Variants in DOP1B observed in about 807,000 individuals in gnomAD.
The protein encoded by DOP1B is DOP1 leucine zipper like protein B.
Under a neutral mutation model 233.5 loss-of-function variants are expected in DOP1B, and 174 were observed. The ratio of observed to expected loss-of-function variants is 0.75; its 90% CI spans 0.66 to 0.85. The LOEUF is 0.85. Ranked by LOEUF, DOP1B falls within the 40% of genes least tolerant of loss-of-function variation. The pLI is 0.00. For missense variants in DOP1B, 2,652 were observed against 2,846.6 expected (o/e 0.93, Z 1.56); for synonymous variants, 1,190 against 1,185.6 (o/e 1.00, Z -0.08).
At chr21:36,209,082 C>CT (rs1442782660) in intron 5 of DOP1B, among the ~76,000 whole-genome samples, 178 bp downstream of exon 5, 2 of 152,188 alleles carry the variant, frequency 1.3e-5, no homozygotes, top group African/African-American at 4.8e-5. Flanking sequence ...GCAGTTGAGG[C>CT]TGGTGGTGGC....
intron 32 of DOP1B, among the ~76,000 whole-genome samples, chr21:36,286,619 G>A (rs1175293660): frequency 6.9e-6 from 1 of 144,332 alleles, no homozygotes; most frequent in African/African-American, 2.6e-5. Context: ...CTGAGTGACA[G>A]AGTAAGACTC....
chr21:36,227,611 A>G (rs2066708326), intron 12 of DOP1B, 75 bp from the exon 13 acceptor site: 3 of 1,268,668 alleles, frequency 2.4e-6, no homozygotes, highest in Admixed American at 2.6e-5. Flanking sequence ...ATTGAATTAG[A>G]TGCCATTTTG....
intron 27 of DOP1B, among the ~76,000 whole-genome samples, chr21:36,273,852 G>A (rs2067319023): frequency 1.3e-5 from 2 of 152,102 alleles, no homozygotes; most frequent in African/African-American, 2.4e-5. Flanking sequence ...GAGGCGGGCG[G>A]ATCACGAGGT....
At chr21:36,160,133 ATAATAAT>A (rs368977445) in intron 1 of DOP1B, among the ~76,000 whole-genome samples, 2 of 149,438 alleles carry the variant, frequency 1.3e-5, no homozygotes, top group African/African-American at 2.5e-5. Flanking sequence ...TCTGGAAAAA[ATAATAAT>A]AATAATAATA....
At chr21:36,200,167 G>A (rs1280477749) in intron 3 of DOP1B, among the ~76,000 whole-genome samples, 164 bp from the exon 4 acceptor site, 1 of 152,116 alleles carries the variant, frequency 6.6e-6, no homozygotes, top group Non-Finnish European at 1.5e-5. Flanking sequence ...GGCTTGTTAC[G>A]TAACAGTGTT....
chr21:36,202,838 C>T (rs1206722010), intron 4 of DOP1B, among the ~76,000 whole-genome samples: 1 of 152,158 alleles, frequency 6.6e-6, no homozygotes. Context: ...AACGAGTGGT[C>T]CAGGTCACAT....
At chr21:36,262,925 A>AAAT (rs1569059241) in intron 24 of DOP1B, among the ~76,000 whole-genome samples, 1 of 143,876 alleles carries the variant, frequency 7.0e-6, no homozygotes, top group East Asian at 2.1e-4. Context: ...ATAAATAAAT[A>AAAT]AAATAAAATA....
At chr21:36,231,939 G>A (rs564584875) in intron 14 of DOP1B, among the ~76,000 whole-genome samples, 12 of 151,126 alleles carry the variant, frequency 7.9e-5, no homozygotes, top group Admixed American at 5.3e-4. Context: ...TCCGCCTCCC[G>A]GGTTCAAGTG....
chr21:36,263,821 A>G lies in DOP1B; in HGVS notation c.5487+7A>G. 1.2e-6 allele frequency: 2 copies of G among 1,614,108 alleles called. No homozygotes were observed. The highest frequency in any genetic ancestry group is 1.7e-6 in the Non-Finnish European group (2 of 1,179,988). ...GGACCAAAAAGACCTGCAGGTTTGT[A>G]TATGAAAGAGGTTCAGCCAAATGAT... is the stretch of plus-strand genomic sequence containing the variant. On this transcript the variant is annotated splice_region_variant and intron_variant, in intron 26 of 36. Coordinates refer to ENST00000691173, the MANE Select transcript of DOP1B (RefSeq NM_001320714.2).
intron 26 of DOP1B, among the ~76,000 whole-genome samples, chr21:36,265,865 A>T (rs2067225065): frequency 6.6e-6 from 1 of 152,120 alleles, no homozygotes; most frequent in Non-Finnish European, 1.5e-5. Flanking sequence ...CGTAACCAAA[A>T]TGTGTGGGAA....
chr21:36,274,520 T>G (rs1601472707), intron 27 of DOP1B, among the ~76,000 whole-genome samples: 1 of 152,234 alleles, frequency 6.6e-6, no homozygotes, highest in South Asian at 2.1e-4. Flanking sequence ...CAAAGATGAT[T>G]AAGCAGTCAC....
intron 35 of DOP1B, among the ~76,000 whole-genome samples, chr21:36,290,797 CAA>C (rs138791873): frequency 8.8e-4 from 114 of 129,870 alleles, no homozygotes; most frequent in Admixed American, 8.8e-4. Flanking sequence ...GACTCCATCT[CAA>C]AAAAAAAAAA....
At chr21:36,169,209 C>T (rs941222770) in intron 2 of DOP1B, 21 of 1,032,040 alleles carry the variant, frequency 2.0e-5, no homozygotes, top group Non-Finnish European at 2.9e-5. Flanking sequence ...TTGGTCACTT[C>T]ACCATAGTGG....
At chr21:36,199,328 C>T in intron 3 of DOP1B, 77 bp downstream of exon 3, 1 of 1,528,720 alleles carries the variant, frequency 6.5e-7, no homozygotes, top group Non-Finnish European at 8.8e-7. Context: ...GAGAAAATGA[C>T]AAACAGGCAA....
intron 36 of DOP1B, 92 bp from the exon 37 acceptor site, chr21:36,293,228 A>G: frequency 7.7e-7 from 1 of 1,301,598 alleles, no homozygotes. Context: ...AAAGGACCTT[A>G]TTTCTTAGGT....
intron 9 of DOP1B, among the ~76,000 whole-genome samples, chr21:36,215,704 C>T (rs1203537687): frequency 2.0e-5 from 3 of 150,200 alleles, no homozygotes; most frequent in Non-Finnish European, 4.4e-5. Context: ...TGCACCTGGC[C>T]CTCTCCCTCA....
At chr21:36,289,246 G>C (rs907370355) in intron 35 of DOP1B, 40 bp downstream of exon 35, 8 of 1,592,690 alleles carry the variant, frequency 5.0e-6, no homozygotes, top group Middle Eastern at 3.3e-4. Context: ...TGAAGTAAGA[G>C]ATTTTGTTTT....
At chr21:36,176,703 T>C (rs1050156671) in intron 2 of DOP1B, among the ~76,000 whole-genome samples, 2 of 152,184 alleles carry the variant, frequency 1.3e-5, no homozygotes, top group East Asian at 1.9e-4. Context: ...CTAGATCCTG[T>C]ACCTCTGCAG....
intron 2 of DOP1B, among the ~76,000 whole-genome samples, chr21:36,182,433 A>G (rs1316910417): frequency 1.3e-5 from 2 of 152,140 alleles, no homozygotes; most frequent in Admixed American, 6.5e-5. Context: ...CTCTAGCCCA[A>G]TGAGATATGG....
Sources: allele counts gnomAD v4.1 joint callset (sites outside exome capture counted in the v4.1 genomes callset), GRCh38; gene constraint gnomAD v4.1.1; transcripts MANE v1.5; gene names NCBI Gene and HGNC (gene_info 2026-07-23, HGNC 2026-07-21).